Variants in SAMD5 observed in about 807,000 individuals in gnomAD.
The protein encoded by SAMD5 is sterile alpha motif domain-containing protein 5.
Under a neutral mutation model 11.3 loss-of-function variants are expected in SAMD5, and 13 were observed. The ratio of observed to expected loss-of-function variants is 1.15; its 90% CI spans 0.75 to 1.83. The LOEUF (loss-of-function observed/expected upper bound fraction) is 1.83, where lower values mean the gene tolerates loss of function less well. Among genes scored for constraint, SAMD5 ranks in the 40% most tolerant of loss-of-function variants. The pLI, the probability that SAMD5 is intolerant of heterozygous loss-of-function variation, is 0.00. For missense variants in SAMD5, 255 were observed against 239.1 expected, an observed-to-expected ratio of 1.07 and a Z score of -0.44; for synonymous variants, 129 against 111.3, an observed-to-expected ratio of 1.16 and a Z score of -1.00.
At chr6:147,894,126 ATTT>A in the SAMD5 span, among the ~76,000 whole-genome samples, 4 of 124,160 alleles carry the variant, frequency 3.2e-5, no homozygotes, top group Admixed American at 8.2e-5. Context: ...TTTGTTTTGT[ATTT>A]TTTTTTTTTT....
chr6:147,883,317 A>G, the SAMD5 span, among the ~76,000 whole-genome samples: 1 of 152,198 alleles, frequency 6.6e-6, no homozygotes, highest in Non-Finnish European at 1.5e-5. Context: ...TGCCATTTCT[A>G]ATTTTATTTC....
chr6:147,573,176 C>T (rs566512164), downstream of SAMD5, among the ~76,000 whole-genome samples: 35 of 152,288 alleles, frequency 2.3e-4, no homozygotes, highest in South Asian at 1.2e-3. Context: ...TACAAAGCCC[C>T]GTTCTTCACA....
intron 1 of SAMD5, among the ~76,000 whole-genome samples, chr6:147,511,809 A>G (rs1036854385): frequency 6.6e-6 from 1 of 152,156 alleles, no homozygotes; most frequent in Admixed American, 6.5e-5. Context: ...TTGCCTCTTA[A>G]GTTTTGGATT....
chr6:147,888,331 GT>G, the SAMD5 span, among the ~76,000 whole-genome samples: 1 of 151,806 alleles, frequency 6.6e-6, no homozygotes, highest in South Asian at 2.1e-4. Flanking sequence ...ACTTTTTGGA[GT>G]GCAGGCCTGA....
the SAMD5 span, among the ~76,000 whole-genome samples, chr6:147,804,272 T>A: frequency 6.6e-6 from 1 of 151,706 alleles, no homozygotes; most frequent in Non-Finnish European, 1.5e-5. Context: ...CACACCCAGC[T>A]AATTTTTTTT....
At chr6:147,774,171 A>G in the SAMD5 span, among the ~76,000 whole-genome samples, 1 of 152,066 alleles carries the variant, frequency 6.6e-6, no homozygotes, top group Non-Finnish European at 1.5e-5. Context: ...CCACTAACCC[A>G]TTCATGAGGG....
intron 1 of SAMD5, among the ~76,000 whole-genome samples, chr6:147,687,373 C>T (rs907630629): frequency 4.1e-5 from 6 of 147,562 alleles, no homozygotes; most frequent in Non-Finnish European, 8.9e-5. Flanking sequence ...ACCCTGACCT[C>T]CCGGGTTCAA....
the SAMD5 span, among the ~76,000 whole-genome samples, chr6:147,746,638 A>G: frequency 3.3e-5 from 5 of 152,220 alleles, no homozygotes; most frequent in East Asian, 9.6e-4. Context: ...AGGCTTACAG[A>G]TATGTCTTCA....
intron 1 of SAMD5, among the ~76,000 whole-genome samples, chr6:147,598,416 G>A (rs897789135): frequency 1.2e-4 from 19 of 152,184 alleles, no homozygotes; most frequent in African/African-American, 4.6e-4. Context: ...GAGCCACCGT[G>A]GCTAGCATAT....
intron 1 of SAMD5, among the ~76,000 whole-genome samples, chr6:147,555,679 T>C (rs1788844043): frequency 6.6e-6 from 1 of 152,124 alleles, no homozygotes; most frequent in East Asian, 1.9e-4. Context: ...TAAAATCATG[T>C]ATGGGGGAAA....
chr6:147,930,261 A>T, the SAMD5 span, among the ~76,000 whole-genome samples: 4 of 152,216 alleles, frequency 2.6e-5, no homozygotes, highest in South Asian at 6.2e-4. Context: ...TTTTGGTTAC[A>T]ACACTTAACT....
At chr6:147,709,141 A>G (rs1791363308) in intron 1 of SAMD5, among the ~76,000 whole-genome samples, 1 of 152,214 alleles carries the variant, frequency 6.6e-6, no homozygotes, top group Non-Finnish European at 1.5e-5. Flanking sequence ...CTATTCTTCA[A>G]GATAAATAAG....
At chr6:147,753,683 C>A in the SAMD5 span, among the ~76,000 whole-genome samples, 1 of 151,972 alleles carries the variant, frequency 6.6e-6, no homozygotes, top group African/African-American at 2.4e-5. Context: ...TACCCGTGAA[C>A]CATCCCCACC....
chr6:147,689,412 A>G (rs1217929220), intron 1 of SAMD5, among the ~76,000 whole-genome samples: 1 of 149,500 alleles, frequency 6.7e-6, no homozygotes, highest in Non-Finnish European at 1.5e-5. Context: ...AATCTAATGA[A>G]TCTCTCTGAG....
chr6:147,866,707 G>A, the SAMD5 span, among the ~76,000 whole-genome samples: 1 of 152,034 alleles, frequency 6.6e-6, no homozygotes, highest in Non-Finnish European at 1.5e-5. Flanking sequence ...CTGCAACCTG[G>A]TAAAATAGTC....
chr6:147,812,278 T>C, the SAMD5 span, among the ~76,000 whole-genome samples: 1 of 152,156 alleles, frequency 6.6e-6, no homozygotes, highest in Non-Finnish European at 1.5e-5. Context: ...TCTGCAGTGT[T>C]TATATGGAAG....
downstream of SAMD5, among the ~76,000 whole-genome samples, chr6:147,570,674 G>A (rs868773750): frequency 7.3e-6 from 1 of 136,356 alleles, no homozygotes; most frequent in Non-Finnish European, 1.5e-5. Context: ...ATCAAATCAT[G>A]TGCATGTTTT....
the SAMD5 span, among the ~76,000 whole-genome samples, chr6:147,809,688 T>G: frequency 6.6e-6 from 1 of 152,342 alleles, no homozygotes; most frequent in East Asian, 1.9e-4. Flanking sequence ...CCTTCAGTTT[T>G]GGATTCAGAT....
chr6:147,899,714 G>C, the SAMD5 span, among the ~76,000 whole-genome samples: 1 of 152,072 alleles, frequency 6.6e-6, no homozygotes, highest in East Asian at 1.9e-4. Context: ...CTAATTTCAG[G>C]GTTTCTGGGA....
Sources: gnomAD v4.1 joint callset for allele counts (sites outside exome capture counted in the v4.1 genomes callset) on GRCh38, gnomAD v4.1.1 for gene constraint, MANE v1.5 for transcripts, NCBI Gene and HGNC (gene_info 2026-07-23, HGNC 2026-07-21) for gene names.